The following NSMCE2 variants were observed in gnomAD, a reference collection of about 807,000 sequenced individuals.
The protein encoded by NSMCE2 is NSE2 SUMO ligase component of SMC5/6 complex.
In NSMCE2, 24 loss-of-function variants were observed where a neutral mutation model predicts 23.8. That is an observed-to-expected ratio of 1.01 (90% CI 0.73 to 1.42). NSMCE2 has a LOEUF of 1.42. Among genes scored for constraint, NSMCE2 ranks in the 40% most tolerant of loss-of-function variants. The pLI, the probability that NSMCE2 is intolerant of heterozygous loss-of-function variation, is 0.00. For synonymous variants in NSMCE2, 92 were observed against 94.1 expected (o/e 0.98, Z 0.13); for missense variants, 284 against 296.5 (o/e 0.96, Z 0.31).
intron 5 of NSMCE2, among the ~76,000 whole-genome samples, chr8:125,304,498 A>T (rs1828678929): frequency 6.6e-6 from 1 of 152,178 alleles, no homozygotes; most frequent in South Asian, 2.1e-4. Context: ...TGGTTTAGAC[A>T]AAGATGAGGG....
chr8:125,314,826 A>G (rs1829114164), intron 5 of NSMCE2, among the ~76,000 whole-genome samples: 1 of 152,220 alleles, frequency 6.6e-6, no homozygotes, highest in Non-Finnish European at 1.5e-5. Context: ...AGAGCAATTA[A>G]GTAAAATGCT....
intron 5 of NSMCE2, among the ~76,000 whole-genome samples, chr8:125,307,357 G>T (rs776128883): frequency 6.6e-6 from 1 of 152,222 alleles, no homozygotes; most frequent in Admixed American, 6.5e-5. Context: ...ATAGGCAGGC[G>T]GCCAGCCAGC....
chr8:125,294,612 G>A (rs929913495), intron 5 of NSMCE2, among the ~76,000 whole-genome samples: 6 of 152,164 alleles, frequency 3.9e-5, no homozygotes, highest in African/African-American at 1.2e-4. Flanking sequence ...TCTTATGCAC[G>A]TAATAGAAAC....
chr8:125,195,008 G>A (rs907518802), intron 5 of NSMCE2, among the ~76,000 whole-genome samples: 1 of 151,984 alleles, frequency 6.6e-6, no homozygotes, highest in African/African-American at 2.4e-5. Context: ...TCTCATACCA[G>A]TAGCATGAGC....
chr8:125,203,989 G>T (rs1271746624), intron 5 of NSMCE2, among the ~76,000 whole-genome samples: 2 of 152,036 alleles, frequency 1.3e-5, no homozygotes, highest in Non-Finnish European at 2.9e-5. Context: ...TTTACATTTG[G>T]CTAGAATGTC....
At chr8:125,285,781 A>C (rs978833130) in intron 5 of NSMCE2, among the ~76,000 whole-genome samples, 2 of 143,388 alleles carry the variant, frequency 1.4e-5, no homozygotes, top group Non-Finnish European at 3.1e-5. Context: ...CACACACACA[A>C]AGCTATACAC....
At chr8:125,255,569 A>G (rs917493805) in intron 5 of NSMCE2, among the ~76,000 whole-genome samples, 2 of 152,136 alleles carry the variant, frequency 1.3e-5, no homozygotes, top group African/African-American at 4.8e-5. Flanking sequence ...GAGAGGAAGG[A>G]AACAACATGG....
At chr8:125,215,910 C>T (rs1378818793) in intron 5 of NSMCE2, among the ~76,000 whole-genome samples, 2 of 152,332 alleles carry the variant, frequency 1.3e-5, no homozygotes, top group South Asian at 2.1e-4. Flanking sequence ...TAACGAGACC[C>T]TGTCTCTACA....
intron 5 of NSMCE2, among the ~76,000 whole-genome samples, chr8:125,221,673 G>A (rs1035646331): frequency 3.3e-5 from 5 of 152,186 alleles, no homozygotes; most frequent in African/African-American, 1.2e-4. Flanking sequence ...TTAGGGATAA[G>A]ACCCAAGCCT....
At chr8:125,166,838 C>T (rs906571156) in intron 4 of NSMCE2, among the ~76,000 whole-genome samples, 1 of 152,172 alleles carries the variant, frequency 6.6e-6, no homozygotes, top group African/African-American at 2.4e-5. Context: ...TCTCCATTCT[C>T]CTCCGAAGTC....
chr8:125,332,591 C>T (rs533954990), intron 5 of NSMCE2, among the ~76,000 whole-genome samples: 18 of 152,312 alleles, frequency 1.2e-4, no homozygotes, highest in African/African-American at 4.1e-4. Flanking sequence ...TTAGTTCTTT[C>T]CTTGTTAAGA....
chr8:125,161,492 T>C (rs775788842), intron 4 of NSMCE2, among the ~76,000 whole-genome samples: 8 of 152,164 alleles, frequency 5.3e-5, no homozygotes, highest in Non-Finnish European at 8.8e-5. Flanking sequence ...CAAGTCAGTA[T>C]TACTTAAAAT....
Position 125,182,091 on chromosome 8 carries a change from T to A in NSMCE2, c.265-12T>A. 1 of 1,556,216 alleles carries A rather than the reference T, an allele frequency of 6.4e-7. No individual in the cohort carries two copies. Among genetic ancestry groups the A allele is most frequent in the South Asian group, 1.2e-5 (1 of 83,282 alleles). On this transcript the variant is annotated splice_polypyrimidine_tract_variant and intron_variant, in intron 4 of 7. Coordinates refer to ENST00000287437, the MANE Select transcript of NSMCE2 (RefSeq NM_173685.4). ...TAACATTTAACTCAGGTAATTTTGTTGTCTCCCTTAGGTGAAAGAAGAACG... is the reference window on the plus strand; with the variant it reads ...TAACATTTAACTCAGGTAATTTTGTAGTCTCCCTTAGGTGAAAGAAGAACG...
At chr8:125,157,979 G>A (rs1356768275) in intron 4 of NSMCE2, among the ~76,000 whole-genome samples, 1 of 152,168 alleles carries the variant, frequency 6.6e-6, no homozygotes, top group African/African-American at 2.4e-5. Flanking sequence ...CCTTTAATGT[G>A]CTTTTATGCA....
At position 125,313,638 on chromosome 8, in the gene NSMCE2, G is replaced by A. The variant is rs778483726; in HGVS notation, c.419-43581G>A. 3.3e-5 allele frequency among the ~76,000 whole-genome samples: 5 copies of A among 152,034 alleles called. No individual in the cohort carries two copies. In the South Asian group the frequency reaches 8.3e-4, roughly 25 times the overall value. ...GCAAAGGAAAAGTGTCCTCAAAATC[G>A]GTCATCCTGTGCCTTCTACATCCAC... On this transcript the variant is annotated intron_variant, in intron 5 of 7. Transcript: ENST00000287437.
At chr8:125,243,323 CAA>C (rs917130202) in intron 5 of NSMCE2, among the ~76,000 whole-genome samples, 11 of 151,986 alleles carry the variant, frequency 7.2e-5, no homozygotes, top group African/African-American at 2.7e-4. Context: ...TGTTTAAAGT[CAA>C]GAGAGTTACA....
At chr8:125,109,206 CT>C (rs1298216332) in intron 3 of NSMCE2, among the ~76,000 whole-genome samples, 7 of 152,274 alleles carry the variant, frequency 4.6e-5, no homozygotes, top group Admixed American at 1.3e-4. Flanking sequence ...CCTCTCTTAT[CT>C]TTGTGACCTT....
chr8:125,324,569 A>AAT (rs1829578012), intron 5 of NSMCE2, among the ~76,000 whole-genome samples: 1 of 94,196 alleles, frequency 1.1e-5, no homozygotes, highest in Admixed American at 1.4e-4. Flanking sequence ...TTTTGATAAA[A>AAT]TTCTTTTTTT....
chr8:125,130,326 A>G (rs763307768), intron 3 of NSMCE2: 1 of 451,936 alleles, frequency 2.2e-6, no homozygotes, highest in East Asian at 7.0e-5. Context: ...TGGCCCTAGT[A>G]GTGTTTGTCA....
Sources: allele counts gnomAD v4.1 joint callset (sites outside exome capture counted in the v4.1 genomes callset), GRCh38; gene constraint gnomAD v4.1.1; transcripts MANE v1.5; gene names NCBI Gene and HGNC (gene_info 2026-07-23, HGNC 2026-07-21).